CTBP2: variants seen among roughly 807,000 people sequenced by gnomAD.
CTBP2 encodes the protein C-terminal-binding protein 2.
A neutral mutation model predicts 80.3 loss-of-function variants in CTBP2; 30 were observed. The ratio of observed to expected loss-of-function variants is 0.37; its 90% CI spans 0.28 to 0.51. CTBP2 has a LOEUF of 0.51. Among genes scored for constraint, CTBP2 ranks in the 20% least tolerant of loss-of-function variants. CTBP2 has a pLI of 0.93. For synonymous variants in CTBP2, 594 were observed against 587.4 expected (o/e 1.01, Z -0.16); for missense variants, 1,212 against 1,375.3 (o/e 0.88, Z 1.88).
rs1443582552 is a variant in CTBP2 at position 125,027,588 on chromosome 10, G to A, written c.172C>T (p.Gln58Ter). The A allele has an allele frequency of 1.2e-6, 2 of 1,614,114 alleles. No homozygotes were observed. The highest frequency in any genetic ancestry group is 3.3e-5 in the Admixed American group (2 of 60,026). ...GCGGCCACGGGCAGGGCAGCGTCCT[G>A]TGGTCGGTGGTTTGGCTCAAACCAA... Residue 58 changes from glutamine (Q) to a stop codon, truncating the protein, a stop_gained, in exon 1 of 9, where the codon CAG becomes TAG. Coordinates refer to ENST00000309035, the MANE Select transcript of CTBP2 (RefSeq NM_022802.3). LOFTEE classifies it high-confidence loss of function.
chr10:125,152,308 A>G (rs559606520), intron 1 of CTBP2, among the ~76,000 whole-genome samples: 169 of 152,244 alleles, frequency 1.1e-3, no homozygotes, highest in African/African-American at 3.7e-3. Flanking sequence ...GCGGTCCGGG[A>G]AATGCAGGAG....
At chr10:125,030,984 C>T (rs1282857521), upstream of CTBP2, among the ~76,000 whole-genome samples, 9 of 152,190 alleles carry the variant, frequency 5.9e-5, no homozygotes, top group Admixed American at 5.9e-4. Flanking sequence ...CATCCCAGGA[C>T]GGAGCCACCA....
intron 1 of CTBP2, chr10:125,006,011 C>T: frequency 2.1e-6 from 3 of 1,428,406 alleles, no homozygotes; most frequent in Non-Finnish European, 2.7e-6. Context: ...AGGCCATTGT[C>T]ACAAGATGTC....
At chr10:124,993,776 GCCT>G in intron 6 of CTBP2, 76 bp downstream of exon 8, 1 of 1,507,758 alleles carries the variant, frequency 6.6e-7, no homozygotes, top group Non-Finnish European at 8.9e-7. Flanking sequence ...TGGGAAAAGG[GCCT>G]CGAGTTCAAA....
chr10:125,003,232 A>G (rs1589993767), intron 2 of CTBP2, 106 bp downstream of exon 4: 4 of 1,584,004 alleles, frequency 2.5e-6, no homozygotes, highest in Admixed American at 1.8e-5. Context: ...AGCAGGGAAC[A>G]GGGGTTCTGG....
chr10:125,036,139 A>G (rs1170769569), intron 3 of CTBP2, among the ~76,000 whole-genome samples: 6 of 152,204 alleles, frequency 3.9e-5, no homozygotes, highest in Admixed American at 3.9e-4. Flanking sequence ...TCCCCACGGC[A>G]GATTCTGGGC....
chr10:125,147,655 T>A (rs1337296671), intron 1 of CTBP2, among the ~76,000 whole-genome samples: 1 of 151,586 alleles, frequency 6.6e-6, no homozygotes, highest in Admixed American at 6.5e-5. Context: ...CTAACACTTT[T>A]GGGAGGCCAA....
At chr10:125,159,548 A>G (rs1169039585) in intron 1 of CTBP2, among the ~76,000 whole-genome samples, 1 of 149,460 alleles carries the variant, frequency 6.7e-6, no homozygotes, top group Non-Finnish European at 1.5e-5. Context: ...GGAGCCAACA[A>G]TGCGGGGCCG....
At chr10:125,156,261 C>T (rs141110663) in intron 1 of CTBP2, among the ~76,000 whole-genome samples, 1 of 152,328 alleles carries the variant, frequency 6.6e-6, no homozygotes, top group East Asian at 1.9e-4. Context: ...GACACTAGGG[C>T]TGCTGCTTTT....
At position 125,130,883 on chromosome 10, in the gene CTBP2, C is replaced by T. The variant is rs1459543031; in HGVS notation, c.-205-19790G>A. 3.3e-5 allele frequency among the ~76,000 whole-genome samples: 5 copies of T among 152,214 alleles called. No individual in the cohort carries two copies. The East Asian group carries it at 9.6e-4, about 29-fold the overall frequency. On this transcript the variant is annotated intron_variant, in intron 1 of 10. Coordinates refer to the CTBP2 transcript ENST00000337195. ...GAGGCACCCTGCCACCCAGAGAGGG[C>T]AAAGGGCTCGCTGTCCAAGCTGGAG...
In CTBP2 at chr10:124,987,254, G is replaced by A. The variant is rs982614797; in HGVS notation, c.*2264C>T. The A allele has an allele frequency of 5.9e-5, 9 of 152,566 alleles. No homozygotes were observed. In the South Asian group the frequency reaches 1.9e-3, roughly 32 times the overall value. The allele number at this position is 152,566 out of a possible 1,614,324, so 9.5% of individuals were successfully genotyped here. A position where few individuals can be genotyped will look rare whatever the true frequency, so the allele number is the denominator to read the frequency against. ...GGCTAGGTGACAGACATTAATGACT[G>A]ACTCTGGAGAGTAAGTCATACCTGC... On this transcript the variant is annotated 3_prime_UTR_variant, in exon 9 of 9. Coordinates refer to ENST00000309035, the MANE Select transcript of CTBP2 (RefSeq NM_022802.3).
rs1564913825 is a variant in CTBP2 at position 125,098,684 on chromosome 10, G to GAC, written c.-102+12305_-102+12306insGT. Reference sequence around the variant, plus strand: ...AGAGAGAGAGAGAGAGAGAGAGAGAGAGAGAGAGAGAGAGAGAGAGAGACA... The same window carrying GAC: ...AGAGAGAGAGAGAGAGAGAGAGAGAGACAGAGAGAGAGAGAGAGAGAGAGACA... On this transcript the variant is annotated intron_variant, in intron 2 of 10. Coordinates refer to the CTBP2 transcript ENST00000337195. 5.6e-4 allele frequency among the ~76,000 whole-genome samples: 70 copies of GAC among 124,172 alleles called. 1 individual carries two copies. The highest frequency in any genetic ancestry group is 1.9e-3 in the African/African-American group (59 of 30,934). 81.5% of individuals were successfully genotyped at this position (124,172 alleles called of 152,430 possible).
At chr10:125,121,372 A>G (rs1476495356) in intron 1 of CTBP2, among the ~76,000 whole-genome samples, 2 of 152,256 alleles carry the variant, frequency 1.3e-5, no homozygotes, top group Non-Finnish European at 2.9e-5. Flanking sequence ...AGTCCTGGAA[A>G]GAAAAGAGGC....
intron 1 of CTBP2, among the ~76,000 whole-genome samples, chr10:125,123,500 A>T (rs1450192966): frequency 6.6e-6 from 1 of 152,184 alleles, no homozygotes. Flanking sequence ...ACTTCAAAAT[A>T]AGTTTAATTT....
At position 124,989,346 on chromosome 10, in the gene CTBP2, A is replaced by C. The variant is rs1952266800; in HGVS notation, c.*172T>G. On this transcript the variant is annotated 3_prime_UTR_variant, in exon 9 of 9. Coordinates refer to ENST00000309035, the MANE Select transcript of CTBP2 (RefSeq NM_022802.3). ...CTAGTCTTTCAGCGCTTCCGTAAGC[A>C]GACGACATCTTCAGTTTTCTAGCTC... 2 of 745,194 alleles carry C rather than the reference A, an allele frequency of 2.7e-6. No homozygotes were observed. The highest frequency in any genetic ancestry group is 4.6e-6 in the Non-Finnish European group (2 of 433,758). The allele number at this position is 745,194 out of a possible 1,614,324, so 46.2% of individuals were successfully genotyped here.
intron 1 of CTBP2, among the ~76,000 whole-genome samples, chr10:125,129,261 A>G (rs1428927639): frequency 6.6e-6 from 1 of 152,114 alleles, no homozygotes; most frequent in Non-Finnish European, 1.5e-5. Flanking sequence ...CAGGGCCCCA[A>G]GGGGACTTTC....
chr10:125,026,282 C>T lies in CTBP2; in HGVS notation c.1478G>A (p.Arg493Lys). The change falls in exon 1 of 9, where the codon AGG (arginine) becomes AAG (lysine). Residue 493 changes from arginine to lysine, a missense_variant. Arg to Lys is a conservative substitution (Grantham distance 26). Transcript: ENST00000309035. Reference sequence around the variant, plus strand: ...CGGAGAGGCGGCCACGTTGCGCTCCCTCTTTAGCAGCTCCATGGGCACCGT... The same window carrying T: ...CGGAGAGGCGGCCACGTTGCGCTCCTTCTTTAGCAGCTCCATGGGCACCGT... The T allele has an allele frequency of 1.2e-6, 2 of 1,613,918 alleles. No homozygotes were observed. Among genetic ancestry groups the T allele is most frequent in the Non-Finnish European group, 1.7e-6 (2 of 1,179,950 alleles).
chr10:125,014,979 C>T (rs1327249355), intron 1 of CTBP2, among the ~76,000 whole-genome samples: 1 of 152,224 alleles, frequency 6.6e-6, no homozygotes, highest in Non-Finnish European at 1.5e-5. Context: ...GCTCCCCGTA[C>T]CAGGCAGTTT....
chr10:125,015,040 C>T (rs1159650475), intron 1 of CTBP2, among the ~76,000 whole-genome samples: 1 of 152,250 alleles, frequency 6.6e-6, no homozygotes, highest in Non-Finnish European at 1.5e-5. Context: ...TACCACACAT[C>T]TGCTTCCTTG....
Sources: gnomAD v4.1 joint callset for allele counts (sites outside exome capture counted in the v4.1 genomes callset) on GRCh38, gnomAD v4.1.1 for gene constraint, MANE v1.5 for transcripts, NCBI Gene and HGNC (gene_info 2026-07-23, HGNC 2026-07-21) for gene names.